Variants in OOEP observed in about 807,000 individuals in gnomAD.
OOEP encodes the protein oocyte expressed protein.
Under a neutral mutation model 13.7 loss-of-function variants are expected in OOEP, and 16 were observed. That is an observed-to-expected ratio of 1.16 (90% CI 0.79 to 1.77). The LOEUF is 1.77. Ranked by LOEUF, OOEP falls within the 40% of genes most tolerant of loss-of-function variation. The pLI is 0.00. For synonymous variants in OOEP, 89 were observed against 77.1 expected (o/e 1.15, Z -0.81); for missense variants, 195 against 193.1 (o/e 1.01, Z -0.06).
intron 2 of OOEP, among the ~76,000 whole-genome samples, chr6:73,393,864 G>C (rs1029051414): frequency 6.6e-6 from 1 of 152,186 alleles, no homozygotes; most frequent in Non-Finnish European, 1.5e-5. Context: ...AGACTGTGTA[G>C]AGCAATGAAT....
chr6:73,394,007 A>G (rs1043606456), intron 2 of OOEP, among the ~76,000 whole-genome samples: 1 of 152,142 alleles, frequency 6.6e-6, no homozygotes, highest in Non-Finnish European at 1.5e-5. Flanking sequence ...ATGACTTACA[A>G]AAGGATCAAG....
chr6:73,373,836 A>G (rs1434494818), upstream of OOEP, among the ~76,000 whole-genome samples: 1 of 151,852 alleles, frequency 6.6e-6, no homozygotes, highest in African/African-American at 2.4e-5. Context: ...TGATCTACCC[A>G]CCTCGGCCTC....
intron 2 of OOEP, among the ~76,000 whole-genome samples, chr6:73,375,044 C>T (rs1327080538): frequency 6.6e-6 from 1 of 152,132 alleles, no homozygotes; most frequent in Non-Finnish European, 1.5e-5. Flanking sequence ...CCAGGCTGGT[C>T]TCAAACTCCT....
chr6:73,381,225 A>G (rs1769205591), intron 2 of OOEP, among the ~76,000 whole-genome samples: 1 of 129,662 alleles, frequency 7.7e-6, no homozygotes, highest in Non-Finnish European at 1.7e-5. Context: ...AAAAAAAAAA[A>G]AAAGAAGAAG....
intron 2 of OOEP, among the ~76,000 whole-genome samples, chr6:73,392,319 T>C (rs543721194): frequency 6.8e-4 from 103 of 152,352 alleles, no homozygotes; most frequent in African/African-American, 2.4e-3. Context: ...TATCTTTTTT[T>C]TGAGATGGAA....
At position 73,369,261 on chromosome 6, in the gene OOEP, C is replaced by T. The variant is rs1210237487; in HGVS notation, c.315G>A (p.Arg105=). 1 of 1,613,878 alleles carries T rather than the reference C, an allele frequency of 6.2e-7. No homozygotes were observed. Among genetic ancestry groups the T allele is most frequent in the Admixed American group, 1.7e-5 (1 of 59,992 alleles). The part of the protein sequence containing the change: ...TVFGRPRVQN[R]VKSMLLCLAW... ...CCAGGCACAGGAGCATGCTCTTCAC[C>T]CGATTCTGTACACGGGGCCGCCCGA... Residue 105 remains arginine (R), a synonymous_variant, in exon 2 of 3, where the codon CGG becomes CGA. Transcript: ENST00000370359.
intron 2 of OOEP, among the ~76,000 whole-genome samples, chr6:73,388,073 C>T (rs528313110): frequency 1.3e-5 from 2 of 152,276 alleles, no homozygotes; most frequent in Admixed American, 6.5e-5. Flanking sequence ...AGACAGATTT[C>T]GCCATGTTGG....
chr6:73,369,830 T>C lies in OOEP; in HGVS notation c.-38A>G. 6.3e-7 allele frequency: 1 copy of C among 1,585,328 alleles called. No homozygotes were observed. Among genetic ancestry groups the C allele is most frequent in the South Asian group, 1.1e-5 (1 of 89,708 alleles). ...AGCCGCGGAGCGCGCTCGAGGCGGC[T>C]TTCGCAAGACCTCTTCCAGACCCAG... On this transcript the variant is annotated 5_prime_UTR_variant, in exon 1 of 3. Transcript: ENST00000370359.
upstream of OOEP, chr6:73,369,984 C>T (rs1241961748): frequency 1.7e-6 from 1 of 587,888 alleles, no homozygotes; most frequent in Admixed American, 3.1e-5. Context: ...ACACTTCCTG[C>T]GCTGCTTCAA....
intron 2 of OOEP, among the ~76,000 whole-genome samples, chr6:73,378,530 A>G (rs1261066856): frequency 1.3e-5 from 2 of 152,030 alleles, no homozygotes; most frequent in Non-Finnish European, 2.9e-5. Flanking sequence ...CCAAGGTGAC[A>G]GAATGAAACT....
At chr6:73,376,344 GTTTT>G (rs70994194) in intron 2 of OOEP, among the ~76,000 whole-genome samples, 36 of 103,518 alleles carry the variant, frequency 3.5e-4, no homozygotes, top group African/African-American at 9.9e-4. Context: ...ACAAGGGGTT[GTTTT>G]TTTTTTTTTT....
intron 2 of OOEP, among the ~76,000 whole-genome samples, chr6:73,393,806 A>G (rs1047832988): frequency 3.3e-5 from 5 of 152,274 alleles, no homozygotes; most frequent in Middle Eastern, 3.4e-3. Flanking sequence ...CAGAGGTCAA[A>G]AACAAAACAA....
chr6:73,370,093 T>TC (rs1769026787), upstream of OOEP: 3 of 401,434 alleles, frequency 7.5e-6, no homozygotes, highest in East Asian at 4.7e-5. Context: ...AAGGTATGCT[T>TC]AGCCTGAAAG....
intron 2 of OOEP, among the ~76,000 whole-genome samples, chr6:73,384,371 G>C (rs919948088): frequency 3.3e-5 from 5 of 152,116 alleles, no homozygotes; most frequent in African/African-American, 1.2e-4. Flanking sequence ...ATTTAAAGGA[G>C]AACTAATGTC....
intron 2 of OOEP, among the ~76,000 whole-genome samples, chr6:73,379,095 G>C (rs1352014341): frequency 6.6e-6 from 1 of 151,676 alleles, no homozygotes; most frequent in Admixed American, 6.6e-5. Context: ...CATGATCTCG[G>C]CTCACTGCAA....
intron 2 of OOEP, among the ~76,000 whole-genome samples, chr6:73,375,588 A>G (rs1228003402): frequency 6.9e-6 from 1 of 145,330 alleles, no homozygotes; most frequent in East Asian, 1.9e-4. Context: ...AAACATATAT[A>G]TGCTTATATA....
At chr6:73,373,132 C>T, upstream of OOEP, 2 of 1,608,882 alleles carry the variant, frequency 1.2e-6, no homozygotes, top group Non-Finnish European at 1.7e-6. Flanking sequence ...TGGTTCTTCT[C>T]CAATGTCTCC....
chr6:73,369,578 C>T, intron 1 of OOEP, 25 bp downstream of exon 1: 1 of 1,606,350 alleles, frequency 6.2e-7, no homozygotes, highest in Non-Finnish European at 8.5e-7. Flanking sequence ...GTGGACAGCC[C>T]ACTAGCACAC....
upstream of OOEP, among the ~76,000 whole-genome samples, chr6:73,372,109 A>G (rs1010706023): frequency 6.6e-6 from 1 of 152,188 alleles, no homozygotes; most frequent in African/African-American, 2.4e-5. Flanking sequence ...CCCTAAAAAT[A>G]AACCTAAAAA....
Sources: gnomAD v4.1 joint callset for allele counts (sites outside exome capture counted in the v4.1 genomes callset) on GRCh38, gnomAD v4.1.1 for gene constraint, MANE v1.5 for transcripts, NCBI Gene and HGNC (gene_info 2026-07-23, HGNC 2026-07-21) for gene names.